Variants in KCND2 observed in about 807,000 individuals in gnomAD.
KCND2 encodes the protein A-type voltage-gated potassium channel KCND2.
A neutral mutation model predicts 54.4 loss-of-function variants in KCND2; 16 were observed. The observed-to-expected ratio is 0.29, with a 90% confidence interval of 0.20 to 0.45. The LOEUF is 0.45. KCND2 is among the 20% of genes least tolerant of loss of function. The pLI, the probability that KCND2 is intolerant of heterozygous loss-of-function variation, is 1.00. For missense variants in KCND2, 486 were observed against 824.2 expected (o/e 0.59, Z 5.02); for synonymous variants, 317 against 310.7 (o/e 1.02, Z -0.21).
intron 1 of KCND2, among the ~76,000 whole-genome samples, chr7:120,497,064 A>G (rs1186726915): frequency 6.6e-6 from 1 of 152,240 alleles, no homozygotes; most frequent in Non-Finnish European, 1.5e-5. Context: ...GTCTGAGACT[A>G]TAATAACATC....
chr7:120,415,170 T>C (rs1254480240), intron 1 of KCND2, among the ~76,000 whole-genome samples: 1 of 152,232 alleles, frequency 6.6e-6, no homozygotes, highest in Non-Finnish European at 1.5e-5. Flanking sequence ...TACTATGTTT[T>C]GTCTCTCCTA....
chr7:120,609,498 ATG>A (rs1792924789), intron 1 of KCND2, among the ~76,000 whole-genome samples: 1 of 152,112 alleles, frequency 6.6e-6, no homozygotes, highest in Admixed American at 6.6e-5. Context: ...TACAGTGTGG[ATG>A]TCTTGACGTC....
intron 1 of KCND2, among the ~76,000 whole-genome samples, chr7:120,508,405 A>G (rs1803060867): frequency 6.6e-6 from 1 of 151,908 alleles, no homozygotes; most frequent in Non-Finnish European, 1.5e-5. Flanking sequence ...AGATGAGATG[A>G]TAGATTTTGG....
intron 1 of KCND2, among the ~76,000 whole-genome samples, chr7:120,710,067 C>T (rs2116062505): frequency 6.6e-6 from 1 of 152,258 alleles, no homozygotes; most frequent in East Asian, 1.9e-4. Flanking sequence ...GCCCTGTATA[C>T]ATTCACAGTC....
intron 1 of KCND2, among the ~76,000 whole-genome samples, chr7:120,709,637 G>A (rs1792514607): frequency 1.3e-5 from 2 of 152,180 alleles, no homozygotes; most frequent in South Asian, 4.1e-4. Context: ...AAGAAAACAT[G>A]TGTTAAGGGT....
chr7:120,622,560 G>A (rs974155056), intron 1 of KCND2, among the ~76,000 whole-genome samples: 14 of 151,116 alleles, frequency 9.3e-5, no homozygotes, highest in Non-Finnish European at 1.5e-4. Flanking sequence ...AAAATATACC[G>A]CAACTCCACA....
chr7:120,311,352 A>G (rs1042927622), intron 1 of KCND2, among the ~76,000 whole-genome samples: 2 of 152,214 alleles, frequency 1.3e-5, no homozygotes, highest in African/African-American at 4.8e-5. Context: ...AGAAGAATAG[A>G]AATAGTTTAA....
At chr7:120,355,829 G>A (rs917146937) in intron 1 of KCND2, among the ~76,000 whole-genome samples, 8 of 152,078 alleles carry the variant, frequency 5.3e-5, no homozygotes, top group South Asian at 2.1e-4. Flanking sequence ...TGTCGTCATC[G>A]AAATTTGTTG....
chr7:120,722,541 G>C (rs1792681380), intron 1 of KCND2, among the ~76,000 whole-genome samples: 1 of 152,154 alleles, frequency 6.6e-6, no homozygotes, highest in Non-Finnish European at 1.5e-5. Flanking sequence ...GACACTTAAG[G>C]AGTAGATAAA....
intron 1 of KCND2, among the ~76,000 whole-genome samples, chr7:120,588,049 T>C (rs192248893): frequency 6.6e-6 from 1 of 152,296 alleles, no homozygotes; most frequent in East Asian, 1.9e-4. Context: ...ACCCAGTAAA[T>C]GACAAAACTA....
At chr7:120,604,086 A>G (rs1182219776) in intron 1 of KCND2, among the ~76,000 whole-genome samples, 1 of 152,194 alleles carries the variant, frequency 6.6e-6, no homozygotes, top group Non-Finnish European at 1.5e-5. Flanking sequence ...ATTAAATGTA[A>G]TTTAAAACAT....
chr7:120,428,942 A>G (rs1291754458), intron 1 of KCND2, among the ~76,000 whole-genome samples: 1 of 152,148 alleles, frequency 6.6e-6, no homozygotes, highest in African/African-American at 2.4e-5. Flanking sequence ...CTGATTTTCC[A>G]TCACAAAACC....
chr7:120,377,765 G>C (rs568426490), intron 1 of KCND2, among the ~76,000 whole-genome samples: 2 of 151,812 alleles, frequency 1.3e-5, no homozygotes, highest in Non-Finnish European at 2.9e-5. Flanking sequence ...ATTTCCATAG[G>C]TTGGCACATG....
At chr7:120,309,922 A>G (rs1487233258) in intron 1 of KCND2, among the ~76,000 whole-genome samples, 2 of 152,200 alleles carry the variant, frequency 1.3e-5, no homozygotes, top group African/African-American at 2.4e-5. Context: ...ATTTGCCTTT[A>G]CACACACTGT....
intron 1 of KCND2, among the ~76,000 whole-genome samples, chr7:120,606,834 C>A (rs1792888480): frequency 6.6e-6 from 1 of 152,096 alleles, no homozygotes; most frequent in Admixed American, 6.6e-5. Flanking sequence ...GATGTTCAGA[C>A]CTCCAACTTT....
At chr7:120,378,634 A>G (rs1451437733) in intron 1 of KCND2, among the ~76,000 whole-genome samples, 3 of 152,020 alleles carry the variant, frequency 2.0e-5, no homozygotes, top group Admixed American at 1.3e-4. Context: ...CGTGTAAAGC[A>G]GGTTCACAAA....
At chr7:120,622,717 A>T (rs200214354) in intron 1 of KCND2, among the ~76,000 whole-genome samples, 1,311 of 120,918 alleles carry the variant, frequency 0.011, 11 homozygotes, top group East Asian at 0.032. Context: ...TCTCTCTCTC[A>T]CACACACACA....
chr7:120,608,171 A>G (rs1792907533), intron 1 of KCND2, among the ~76,000 whole-genome samples: 1 of 152,098 alleles, frequency 6.6e-6, no homozygotes, highest in African/African-American at 2.4e-5. Context: ...AGGATAAATG[A>G]CAGTATTATA....
chr7:120,740,869 G>T (rs747447529), intron 2 of KCND2: 3 of 455,772 alleles, frequency 6.6e-6, no homozygotes, highest in South Asian at 4.7e-5. Flanking sequence ...GACCCGTGCC[G>T]GTAGACAAAG....
Sources: gnomAD v4.1 joint callset for allele counts (sites outside exome capture counted in the v4.1 genomes callset) on GRCh38, gnomAD v4.1.1 for gene constraint, MANE v1.5 for transcripts, NCBI Gene and HGNC (gene_info 2026-07-23, HGNC 2026-07-21) for gene names.